The following HDLBP variants were observed in gnomAD, a reference collection of about 807,000 sequenced individuals.
HDLBP encodes the protein vigilin.
HDLBP carries 30 observed loss-of-function variants against 137.3 expected under a neutral mutation model. The ratio of observed to expected loss-of-function variants is 0.22; its 90% CI spans 0.16 to 0.30. HDLBP has a LOEUF of 0.30. Among genes scored for constraint, HDLBP ranks in the 10% least tolerant of loss-of-function variants. The pLI, the probability that HDLBP is intolerant of heterozygous loss-of-function variation, is 1.00. For synonymous variants in HDLBP, 606 were observed against 596.0 expected, an observed-to-expected ratio of 1.02 and a Z score of -0.24; for missense variants, 1,119 against 1,667.3, an observed-to-expected ratio of 0.67 and a Z score of 5.73.
rs1169108082 is a variant in HDLBP at position 241,233,364 on chromosome 2, GAAGT to G, written c.3288+452_3288+455del. Among the ~76,000 whole-genome samples, 4 of 152,152 alleles carry G rather than the reference GAAGT, an allele frequency of 2.6e-5. No homozygotes were observed. Among genetic ancestry groups the G allele is most frequent in the Non-Finnish European group, 5.9e-5 (4 of 68,028 alleles). On this transcript the variant is annotated intron_variant, in intron 24 of 27. Coordinates refer to ENST00000310931, the MANE Select transcript of HDLBP (RefSeq NM_005336.6). The surrounding 1 kb of genome is among the most constrained non-coding windows in gnomAD (Gnocchi z 4.3). ...AGGGGGGTGGCACTGCAATTTGGAG[GAAGT>G]AACAACAAGAGTTTACTAAGGACCA...
At chr2:241,283,437 A>T (rs1002954638) in intron 1 of HDLBP, among the ~76,000 whole-genome samples, 5 of 152,158 alleles carry the variant, frequency 3.3e-5, no homozygotes, top group African/African-American at 1.2e-4. Context: ...ATAGTGCAAG[A>T]AGATGCCATC....
chr2:241,300,586 T>C (rs1448236328), intron 1 of HDLBP, among the ~76,000 whole-genome samples: 1 of 152,188 alleles, frequency 6.6e-6, no homozygotes, highest in Admixed American at 6.5e-5. Flanking sequence ...AAGTTCTAAA[T>C]ATGCTAAACC....
intron 1 of HDLBP, among the ~76,000 whole-genome samples, chr2:241,311,452 G>T (rs2075756035): frequency 6.6e-6 from 1 of 152,212 alleles, no homozygotes; most frequent in African/African-American, 2.4e-5. Flanking sequence ...CCAGAAAAGT[G>T]AGGCTCCAAC....
At chr2:241,270,569 G>A (rs553280547) in intron 1 of HDLBP, among the ~76,000 whole-genome samples, 2 of 152,332 alleles carry the variant, frequency 1.3e-5, no homozygotes, top group Admixed American at 6.5e-5. Flanking sequence ...GAAATTCTGG[G>A]TGAGATTTTC....
chr2:241,233,707 C>T lies in HDLBP; in HGVS notation c.3288+113G>A, dbSNP rs908246907. The T allele has an allele frequency of 4.2e-6, 5 of 1,176,738 alleles. No individual in the cohort carries two copies. In the African/African-American group the frequency reaches 7.7e-5, roughly 18 times the overall value. The allele number at this position is 1,176,738 out of a possible 1,614,324, so 72.9% of individuals were successfully genotyped here. On this transcript the variant is annotated intron_variant, in intron 24 of 27. Transcript: ENST00000310931. The surrounding 1 kb of genome is among the most constrained non-coding windows in gnomAD (Gnocchi z 4.3). ...GAATTAGGTCCTGAGAGACTTGCCACTCTCAACTTGGCCCTCGAACCCCCA... is the reference window on the plus strand; with the variant it reads ...GAATTAGGTCCTGAGAGACTTGCCATTCTCAACTTGGCCCTCGAACCCCCA...
chr2:241,246,533 G>A (rs1423146334), intron 16 of HDLBP: 12 of 489,192 alleles, frequency 2.5e-5, no homozygotes, highest in East Asian at 1.6e-4. Context: ...AAGTGCCCAC[G>A]TCAAATGTTA....
rs561809495 is a variant in HDLBP, at chr2:241,236,692, C to T, written c.2827G>A (p.Gly943Ser). ...ATGATGTCACACCTCCTTGGAGAGC[C>T]GGGGTCACAATCTTTAGCCTCTCTC... ...EGREAKDCDP[G>S]SPRRCDIIII... Residue 943 changes from glycine (G) to serine (S), a missense_variant, in exon 21 of 28, where the codon GGC (glycine) becomes AGC (serine). Physicochemically the swap from Gly to Ser is moderately conservative, Grantham distance 56 (BLOSUM62 0). Transcript: ENST00000310931. 5.6e-6 allele frequency: 9 copies of T among 1,614,144 alleles called. No individual in the cohort carries two copies. Among genetic ancestry groups the T allele is most frequent in the East Asian group, 2.2e-5 (1 of 44,880 alleles).
At chr2:241,286,209 T>C (rs2074801572) in intron 1 of HDLBP, among the ~76,000 whole-genome samples, 1 of 152,076 alleles carries the variant, frequency 6.6e-6, no homozygotes, top group South Asian at 2.1e-4. Flanking sequence ...ATCCCAGCAC[T>C]TTGGGAGGTT....
rs1020270189 is a variant in HDLBP, at chr2:241,233,614, G to A, written c.3288+206C>T. On this transcript the variant is annotated intron_variant, in intron 24 of 27. Coordinates refer to ENST00000310931, the MANE Select transcript of HDLBP (RefSeq NM_005336.6). The surrounding 1 kb of genome is among the most constrained non-coding windows in gnomAD (Gnocchi z 4.3). ...GCAGGAGAAAATGCTCCAGGCCCCA[G>A]ATGATACATAGTGCCAGAGACCTCA... is the stretch of plus-strand genomic sequence containing the variant. Among the ~76,000 whole-genome samples, 2 of 152,130 alleles carry A rather than the reference G, an allele frequency of 1.3e-5. No individual in the cohort carries two copies. The highest frequency in any genetic ancestry group is 2.4e-5 in the African/African-American group (1 of 41,426).
chr2:241,234,584 T>TG (rs2070178876), intron 23 of HDLBP, among the ~76,000 whole-genome samples: 1 of 152,228 alleles, frequency 6.6e-6, no homozygotes, highest in South Asian at 2.1e-4. Flanking sequence ...CCAGAACCCC[T>TG]GCTCCTGTCT....
intron 1 of HDLBP, among the ~76,000 whole-genome samples, chr2:241,284,011 T>C (rs1017673323): frequency 2.8e-5 from 4 of 145,262 alleles, no homozygotes; most frequent in Non-Finnish European, 4.5e-5. Context: ...AGCTCACCGT[T>C]AAGATCTACT....
chr2:241,265,159 C>T (rs1323226280), intron 3 of HDLBP, among the ~76,000 whole-genome samples: 3 of 152,240 alleles, frequency 2.0e-5, no homozygotes, highest in African/African-American at 7.2e-5. Flanking sequence ...TGGCTCACAC[C>T]TGTAATCCCA....
intron 12 of HDLBP, among the ~76,000 whole-genome samples, chr2:241,249,095 C>T (rs897369940): frequency 1.3e-5 from 2 of 152,054 alleles, no homozygotes; most frequent in Non-Finnish European, 2.9e-5. Context: ...GAATGAGCTC[C>T]GGGAAGGCCA....
chr2:241,236,897 G>GAAGGACAGGAGTGGT, intron 20 of HDLBP, 128 bp from the exon 21 acceptor site: 2 of 861,882 alleles, frequency 2.3e-6, no homozygotes, highest in Non-Finnish European at 3.6e-6. Context: ...AACCACTCCT[G>GAAGGACAGGAGTGGT]TCCTTCAGGA....
At chr2:241,236,935 T>C (rs996176658) in intron 20 of HDLBP, among the ~76,000 whole-genome samples, 166 bp from the exon 21 acceptor site, 18 of 133,784 alleles carry the variant, frequency 1.3e-4, no homozygotes, top group African/African-American at 4.1e-4. Flanking sequence ...GGAGAGCAGA[T>C]AGGACGTCCC....
chr2:241,260,364 A>G (rs535516914), intron 5 of HDLBP, among the ~76,000 whole-genome samples: 2 of 152,294 alleles, frequency 1.3e-5, no homozygotes, highest in South Asian at 4.2e-4. Context: ...AACTGAAAGG[A>G]GGGGACCCAC....
intron 23 of HDLBP, among the ~76,000 whole-genome samples, chr2:241,234,464 T>C (rs1479645875): frequency 1.3e-5 from 2 of 152,178 alleles, no homozygotes; most frequent in African/African-American, 2.4e-5. Context: ...ACTGACACCA[T>C]GTGAGGTTCA....
chr2:241,300,240 G>A (rs1319900401), intron 1 of HDLBP, among the ~76,000 whole-genome samples: 5 of 152,120 alleles, frequency 3.3e-5, no homozygotes, highest in South Asian at 2.1e-4. Context: ...TAGAAGGCGG[G>A]CGCCCCCCGG....
chr2:241,279,994 G>A, intron 1 of HDLBP: 1 of 985,388 alleles, frequency 1.0e-6, no homozygotes, highest in East Asian at 1.1e-4. Flanking sequence ...AGGAGGAGCA[G>A]CGGACCAGGG....
Sources: allele counts gnomAD v4.1 joint callset (sites outside exome capture counted in the v4.1 genomes callset), GRCh38; gene constraint gnomAD v4.1.1; non-coding constraint Gnocchi (gnomAD v3.1); transcripts MANE v1.5; gene names NCBI Gene and HGNC (gene_info 2026-07-23, HGNC 2026-07-21).